The following OCA2 variants were observed in gnomAD, a reference collection of about 807,000 sequenced individuals.
The protein encoded by OCA2 is P protein.
In OCA2, 77 loss-of-function variants were observed where a neutral mutation model predicts 100.2. The ratio of observed to expected loss-of-function variants is 0.77; its 90% CI spans 0.64 to 0.93. OCA2 has a LOEUF of 0.93. Among genes scored for constraint, OCA2 ranks in the 40% least tolerant of loss-of-function variants. OCA2 has a pLI of 0.00. For synonymous variants in OCA2, 432 were observed against 439.2 expected, an observed-to-expected ratio of 0.98 and a Z score of 0.21; for missense variants, 1,062 against 1,089.1, an observed-to-expected ratio of 0.98 and a Z score of 0.35.
chr15:27,838,478 C>T (rs1044913111), intron 23 of OCA2, among the ~76,000 whole-genome samples: 2 of 152,096 alleles, frequency 1.3e-5, no homozygotes, highest in African/African-American at 4.8e-5. Context: ...TCCGTGAAAT[C>T]GTAAAATATA....
chr15:27,751,483 G>T (rs140990903), downstream of OCA2, among the ~76,000 whole-genome samples: 443 of 152,164 alleles, frequency 2.9e-3, 3 homozygotes, highest in African/African-American at 0.01. Context: ...TCAAAAACAA[G>T]AAAAAAATAC....
intron 19 of OCA2, among the ~76,000 whole-genome samples, chr15:27,892,597 A>G (rs537357896): frequency 2.0e-5 from 3 of 152,290 alleles, no homozygotes; most frequent in Non-Finnish European, 4.4e-5. Context: ...AAATGTTAAC[A>G]TTGGAAAAGA....
chr15:27,818,885 T>A (rs2151259672), intron 23 of OCA2, among the ~76,000 whole-genome samples: 1 of 152,316 alleles, frequency 6.6e-6, no homozygotes, highest in East Asian at 1.9e-4. Context: ...TTGTGTTTCC[T>A]AAGTGCCAAA....
rs75519312 is a variant in OCA2 at position 27,952,035 on chromosome 15, T to C, written c.1843-143A>G. ...TCGAACTTGAAAGAAAATGGCAAAG[T>C]ACTGTGTTACAAGGAAACCCGTACA... On this transcript the variant is annotated intron_variant, in intron 17 of 23. Coordinates refer to ENST00000354638, the MANE Select transcript of OCA2 (RefSeq NM_000275.3). The C allele has an allele frequency of 1.0e-3, 734 of 717,982 alleles. 3 individuals carry two copies. The African/African-American group carries it at 0.012, about 11-fold the overall frequency. The allele number at this position is 717,982 out of a possible 1,614,324, so 44.5% of individuals were successfully genotyped here. A position where few individuals can be genotyped will look rare whatever the true frequency, so the allele number is the denominator to read the frequency against.
chr15:27,742,683 C>T, the OCA2 span, among the ~76,000 whole-genome samples: 3 of 152,252 alleles, frequency 2.0e-5, no homozygotes, highest in East Asian at 1.9e-4. Context: ...TGAACCTAAC[C>T]GGCTATAATC....
At chr15:28,093,729 G>GTGCA (rs2044913691) in intron 1 of OCA2, among the ~76,000 whole-genome samples, 1 of 152,114 alleles carries the variant, frequency 6.6e-6, no homozygotes, top group African/African-American at 2.4e-5. Flanking sequence ...ATAGGCTGCG[G>GTGCA]TGCATGCATG....
At chr15:27,948,859 C>G (rs950660669) in intron 18 of OCA2, among the ~76,000 whole-genome samples, 1 of 152,056 alleles carries the variant, frequency 6.6e-6, no homozygotes, top group African/African-American at 2.4e-5. Context: ...GGCATACGAT[C>G]TGATTCCATG....
At chr15:27,856,817 C>A (rs758584410) in intron 21 of OCA2, among the ~76,000 whole-genome samples, 1 of 151,998 alleles carries the variant, frequency 6.6e-6, no homozygotes, top group Admixed American at 6.6e-5. Flanking sequence ...ACTTCAATGA[C>A]CATACACTTT....
chr15:27,731,379 C>CAT, the OCA2 span, among the ~76,000 whole-genome samples: 4 of 151,966 alleles, frequency 2.6e-5, no homozygotes, highest in Admixed American at 1.3e-4. Context: ...TTAGCTGTGA[C>CAT]ATATATATAT....
intron 9 of OCA2, among the ~76,000 whole-genome samples, chr15:28,006,304 G>A (rs2042090261): frequency 6.6e-6 from 1 of 152,162 alleles, no homozygotes; most frequent in South Asian, 2.1e-4. Flanking sequence ...ACAACAGCAT[G>A]CTCCAGAGCT....
intron 16 of OCA2, 29 bp from the exon 17 acceptor site, chr15:27,955,244 T>C (rs748225332): frequency 6.5e-7 from 1 of 1,543,430 alleles, no homozygotes; most frequent in Non-Finnish European, 9.0e-7. Context: ...GACTCATTAC[T>C]TCCCTGGTCA....
chr15:28,094,725 C>T (rs554556512), intron 1 of OCA2, among the ~76,000 whole-genome samples: 1 of 152,334 alleles, frequency 6.6e-6, no homozygotes, highest in Non-Finnish European at 1.5e-5. Flanking sequence ...TGGGGGTGGG[C>T]CCGGGCCCCT....
intron 19 of OCA2, among the ~76,000 whole-genome samples, chr15:27,897,928 G>A (rs1055430420): frequency 1.3e-5 from 2 of 152,220 alleles, no homozygotes; most frequent in African/African-American, 4.8e-5. Flanking sequence ...TGTGGGACAT[G>A]GTGTCAAAGG....
Position 27,870,256 on chromosome 15 carries a change from A to C in OCA2, c.2244+898T>G, listed in dbSNP as rs902908383. ...GGGGAAGGGGGAGACCCTCAGAGTC[A>C]GAAGAACAGAGGGCTCTCCCCTGTC... On this transcript the variant is annotated intron_variant, in intron 21 of 23. Transcript: ENST00000354638. Among the ~76,000 whole-genome samples, 3 of 152,236 alleles carry C rather than the reference A, an allele frequency of 2.0e-5. 1 individual carries two copies. The highest frequency in any genetic ancestry group is 4.4e-5 in the Non-Finnish European group (3 of 68,044).
At chr15:27,784,602 A>G (rs1406792665) in intron 23 of OCA2, among the ~76,000 whole-genome samples, 2 of 152,240 alleles carry the variant, frequency 1.3e-5, no homozygotes, top group Admixed American at 1.3e-4. Flanking sequence ...GAAAATGTGG[A>G]CACCATACAA....
intron 13 of OCA2, among the ~76,000 whole-genome samples, chr15:27,984,824 CTA>C (rs1198636845): frequency 1.3e-5 from 2 of 152,190 alleles, no homozygotes; most frequent in African/African-American, 4.8e-5. Context: ...AAAGCAAGGC[CTA>C]TGTCTTCCAC....
At chr15:27,858,346 C>T (rs541155014) in intron 21 of OCA2, among the ~76,000 whole-genome samples, 8 of 150,404 alleles carry the variant, frequency 5.3e-5, no homozygotes, top group Admixed American at 4.7e-4. Context: ...TGCACTCCAG[C>T]CTGGGGAATA....
intron 21 of OCA2, among the ~76,000 whole-genome samples, chr15:27,856,206 C>G (rs2035942982): frequency 6.6e-6 from 1 of 152,172 alleles, no homozygotes; most frequent in Non-Finnish European, 1.5e-5. Flanking sequence ...TAGGGCCCAC[C>G]CTGGTGACCT....
chr15:27,753,121 A>G (rs2030129702), downstream of OCA2, among the ~76,000 whole-genome samples: 1 of 152,174 alleles, frequency 6.6e-6, no homozygotes, highest in African/African-American at 2.4e-5. Flanking sequence ...TAAACAAACA[A>G]CTAAGCTACG....
Sources: allele counts gnomAD v4.1 joint callset (sites outside exome capture counted in the v4.1 genomes callset), GRCh38; gene constraint gnomAD v4.1.1; transcripts MANE v1.5; gene names NCBI Gene and HGNC (gene_info 2026-07-23, HGNC 2026-07-21).